USP34: variants seen among roughly 807,000 people sequenced by gnomAD.
USP34 encodes the protein ubiquitin carboxyl-terminal hydrolase 34.
Under a neutral mutation model 460.3 loss-of-function variants are expected in USP34, and 70 were observed. That is an observed-to-expected ratio of 0.15 (90% CI 0.13 to 0.19). The LOEUF (loss-of-function observed/expected upper bound fraction) is 0.19. Among genes scored for constraint, USP34 ranks in the 10% least tolerant of loss-of-function variants. USP34 has a pLI of 1.00. For synonymous variants in USP34, 1,647 were observed against 1,405.3 expected, an observed-to-expected ratio of 1.17 and a Z score of -3.85; for missense variants, 3,985 against 4,236.2, an observed-to-expected ratio of 0.94 and a Z score of 1.65.
chr2:61,353,760 A>C (rs540825792), intron 10 of USP34, among the ~76,000 whole-genome samples: 1 of 152,140 alleles, frequency 6.6e-6, no homozygotes, highest in African/African-American at 2.4e-5. Context: ...ACTTTATCTC[A>C]AAGATAGTAA....
intron 1 of USP34, among the ~76,000 whole-genome samples, chr2:61,441,302 C>T (rs955537130): frequency 2.6e-5 from 4 of 152,022 alleles, no homozygotes; most frequent in Non-Finnish European, 4.4e-5. Flanking sequence ...CACACCCAGG[C>T]TCTGCCCTTT....
chr2:61,289,314 G>A (rs1421076046), intron 33 of USP34, among the ~76,000 whole-genome samples: 2 of 151,884 alleles, frequency 1.3e-5, no homozygotes, highest in East Asian at 3.9e-4. Context: ...TAATACTTAC[G>A]GACCAAAGCA....
rs565658548 is a variant in USP34 at position 61,324,335 on chromosome 2, G to A, written c.3013+1040C>T. On this transcript the variant is annotated intron_variant, in intron 21 of 79. Coordinates refer to ENST00000398571, the MANE Select transcript of USP34 (RefSeq NM_014709.4). Reference sequence around the variant, plus strand: ...AACTGTTAACGAAACTGAGTTTAAAGTCAAACTAAATAAAACTGGGGCCTC... The same window carrying A: ...AACTGTTAACGAAACTGAGTTTAAAATCAAACTAAATAAAACTGGGGCCTC... 3.9e-5 allele frequency among the ~76,000 whole-genome samples: 6 copies of A among 152,288 alleles called. No homozygotes were observed. In the South Asian group the frequency reaches 1.2e-3, roughly 32 times the overall value.
At chr2:61,245,156 T>C (rs944436019) in intron 51 of USP34, 54 bp downstream of exon 51, 13 of 1,380,880 alleles carry the variant, frequency 9.4e-6, no homozygotes, top group African/African-American at 2.9e-5. Flanking sequence ...TTTTATGATA[T>C]GACAAAGCAC....
rs1558542074 is a variant in USP34, at chr2:61,347,940, A to G, written c.2215T>C (p.Phe739Leu). 5 of 1,614,088 alleles carry G rather than the reference A, an allele frequency of 3.1e-6. No homozygotes were observed. The highest frequency in any genetic ancestry group is 3.4e-6 in the Non-Finnish European group (4 of 1,180,004). Residue 739 changes from phenylalanine (F) to leucine (L), a missense_variant, in exon 15 of 80, where the codon TTT (phenylalanine) becomes CTT (leucine). Physicochemically the swap from Phe to Leu is conservative, Grantham distance 22. Coordinates refer to ENST00000398571, the MANE Select transcript of USP34 (RefSeq NM_014709.4). The part of the protein sequence containing the change: ...FLGETIGNEL[F>L]NCRQFIGPQH... ...GGACCAATAAATTGTCGACAATTAA[A>G]TAATTCATTCCCAATAGTCTCCCCA...
Position 61,385,982 on chromosome 2 carries a change from G to A in USP34, c.754-2646C>T, listed in dbSNP as rs188208931. ...ACTGCACTCCAGCCTAGGTGACAAA[G>A]TGAGACTCTGTCTCCAAAAAAAAAA... On this transcript the variant is annotated intron_variant, in intron 5 of 79. Transcript: ENST00000398571. Among the ~76,000 whole-genome samples, 5 of 140,268 alleles carry A rather than the reference G, an allele frequency of 3.6e-5. No individual in the cohort carries two copies. In the East Asian group the frequency reaches 6.2e-4, roughly 17 times the overall value. The allele number at this position is 140,268 out of a possible 152,430, so 92.0% of individuals were successfully genotyped here.
At chr2:61,257,144 TTAAAACG>T in intron 45 of USP34, 36 bp from the exon 46 acceptor site, 1 of 1,579,956 alleles carries the variant, frequency 6.3e-7, no homozygotes, top group Non-Finnish European at 8.6e-7. Context: ...AAGAAACTAG[TTAAAACG>T]CAGGCAAATT....
At chr2:61,341,440 G>A (rs1280053836) in intron 16 of USP34, among the ~76,000 whole-genome samples, 1 of 152,176 alleles carries the variant, frequency 6.6e-6, no homozygotes, top group African/African-American at 2.4e-5. Context: ...TGTTGGAGGT[G>A]AGTCTAGTAG....
At chr2:61,287,343 C>T (rs185247064) in intron 34 of USP34, among the ~76,000 whole-genome samples, 2 of 152,296 alleles carry the variant, frequency 1.3e-5, no homozygotes, top group East Asian at 3.9e-4. Flanking sequence ...TTGATCACTC[C>T]CTACCTCCCG....
intron 1 of USP34, among the ~76,000 whole-genome samples, chr2:61,439,495 A>G (rs1356752585): frequency 6.6e-6 from 1 of 151,926 alleles, no homozygotes; most frequent in African/African-American, 2.4e-5. Context: ...GGCCGTTTCC[A>G]TTTCTTGGAA....
intron 2 of USP34, chr2:61,417,239 G>C: frequency 7.3e-7 from 1 of 1,377,700 alleles, no homozygotes; most frequent in Non-Finnish European, 1.0e-6. Flanking sequence ...ACATACATCT[G>C]AAAGGCCTGT....
At position 61,337,646 on chromosome 2, in the gene USP34, C is replaced by T. The variant is rs150511674; in HGVS notation, c.2744+1705G>A. Among the ~76,000 whole-genome samples the T allele has an allele frequency of 2.8e-3, 433 of 152,098 alleles. 1 individual carries two copies. Among genetic ancestry groups the T allele is most frequent in the African/African-American group, 9.7e-3 (403 of 41,474 alleles). ...CTTTTATTTGTATTTTTTGTAGAGG[C>T]GAGGTTTTACCACATTGCCCATGCT... On this transcript the variant is annotated intron_variant, in intron 18 of 79. Coordinates refer to ENST00000398571, the MANE Select transcript of USP34 (RefSeq NM_014709.4).
At chr2:61,191,002 G>A (rs1284393964) in intron 76 of USP34, 1 of 176,324 alleles carries the variant, frequency 5.7e-6, no homozygotes, top group Non-Finnish European at 1.2e-5. Context: ...GGATGTGAAT[G>A]TTTTCAAGGG....
In USP34 at chr2:61,266,320, T is replaced by C. The variant is rs1689042923; in HGVS notation, c.5434-153A>G. Reference sequence around the variant, plus strand: ...ATCATCTGAAAGTCCTCCGTGTTCATTTCTCTTAAGAGAAAACGAAGGCGG... The same window carrying C: ...ATCATCTGAAAGTCCTCCGTGTTCACTTCTCTTAAGAGAAAACGAAGGCGG... On this transcript the variant is annotated intron_variant, in intron 41 of 79. Transcript: ENST00000398571. Among the ~76,000 whole-genome samples, 4 of 152,250 alleles carry C rather than the reference T, an allele frequency of 2.6e-5. No individual in the cohort carries two copies. The South Asian group carries it at 8.3e-4, about 31-fold the overall frequency.
intron 1 of USP34, among the ~76,000 whole-genome samples, chr2:61,456,324 CCAAT>C (rs959013863): frequency 4.6e-5 from 7 of 152,130 alleles, no homozygotes; most frequent in African/African-American, 1.7e-4. Context: ...TTAGTTTAAA[CCAAT>C]CAAAGTCCAT....
chr2:61,311,946 C>T lies in USP34; in HGVS notation c.3543-36G>A, dbSNP rs762483908. 5.0e-6 allele frequency: 8 copies of T among 1,595,242 alleles called. No homozygotes were observed. In the South Asian group the frequency reaches 6.8e-5, roughly 14 times the overall value. ...ACACAAACAACACATAGAAAGGATA[C>T]CATTTTAAACCATTTTAATGTTACG... On this transcript the variant is annotated intron_variant, in intron 25 of 79. Coordinates refer to ENST00000398571, the MANE Select transcript of USP34 (RefSeq NM_014709.4).
chr2:61,395,432 C>G (rs969116001), intron 3 of USP34, among the ~76,000 whole-genome samples, 199 bp from the exon 4 acceptor site: 1 of 152,166 alleles, frequency 6.6e-6, no homozygotes, highest in Non-Finnish European at 1.5e-5. Context: ...TAAGTAGAAG[C>G]CATTCCACAG....
At chr2:61,244,488 A>G (rs1048480228) in intron 51 of USP34, among the ~76,000 whole-genome samples, 7 of 151,932 alleles carry the variant, frequency 4.6e-5, no homozygotes, top group African/African-American at 1.7e-4. Flanking sequence ...GGTGGCAGGT[A>G]CCTGTAATCC....
chr2:61,265,430 T>A lies in USP34; in HGVS notation c.5745A>T (p.Ile1915=), dbSNP rs201645671. Residue 1915 remains isoleucine, a synonymous_variant, in exon 43 of 80, where the codon ATA becomes ATT. Transcript: ENST00000398571. ...LASTIQQLYM[I]PEARQAVFTA... ...TGAAGACAGCCTGTCTTGCCTCAGG[T>A]ATCATATAAAGTTGCTGAATAGTAG... 1 of 1,612,372 alleles carries A rather than the reference T, an allele frequency of 6.2e-7. No homozygotes were observed. Among genetic ancestry groups the A allele is most frequent in the African/African-American group, 1.3e-5 (1 of 74,876 alleles).
Sources: allele counts gnomAD v4.1 joint callset (sites outside exome capture counted in the v4.1 genomes callset), GRCh38; gene constraint gnomAD v4.1.1; transcripts MANE v1.5; gene names NCBI Gene and HGNC (gene_info 2026-07-23, HGNC 2026-07-21).